Variants in ADAMTS19 observed in about 807,000 individuals in gnomAD.
ADAMTS19 encodes ADAM metallopeptidase with thrombospondin type 1 motif 19.
A neutral mutation model predicts 153.3 loss-of-function variants in ADAMTS19; 93 were observed. That is an observed-to-expected ratio of 0.61 (90% confidence interval 0.51 to 0.72). ADAMTS19 has a LOEUF of 0.72. ADAMTS19 is among the 30% of genes least tolerant of loss of function. The pLI, the probability that ADAMTS19 is intolerant of heterozygous loss-of-function variation, is 0.00. For synonymous variants in ADAMTS19, 600 were observed against 556.6 expected (o/e 1.08, Z -1.10); for missense variants, 1,482 against 1,552.1 (o/e 0.95, Z 0.76).
intron 11 of ADAMTS19, among the ~76,000 whole-genome samples, chr5:129,646,090 GTT>G (rs1753055305): frequency 6.7e-6 from 1 of 150,062 alleles, no homozygotes; most frequent in African/African-American, 2.5e-5. Context: ...GGGTTTCACT[GTT>G]TTAGCCGGGA....
At chr5:129,653,554 G>A (rs548472822) in intron 13 of ADAMTS19, among the ~76,000 whole-genome samples, 73 of 152,258 alleles carry the variant, frequency 4.8e-4, no homozygotes, top group Admixed American at 1.7e-3. Flanking sequence ...CCTAGATATC[G>A]TACACAACGA....
chr5:129,552,100 T>C (rs1375422643), intron 7 of ADAMTS19, among the ~76,000 whole-genome samples, 193 bp downstream of exon 7: 1 of 151,948 alleles, frequency 6.6e-6, no homozygotes, highest in Non-Finnish European at 1.5e-5. Context: ...CTATATATAT[T>C]GGAGACAATC....
chr5:129,679,807 G>T lies in ADAMTS19; in HGVS notation c.2550G>T (p.Lys850Asn). 1 of 1,613,812 alleles carries T rather than the reference G, an allele frequency of 6.2e-7. No homozygotes were observed. Among genetic ancestry groups the T allele is most frequent in the Non-Finnish European group, 8.5e-7 (1 of 1,179,820 alleles). The part of the protein sequence containing the change: ...AGKQSINSDW[K>N]IEHSGAFNLA... ...AACAGTCTATTAATAGTGACTGGAAGATTGAACACTCTGGAGCCTTCAATT... is the reference window on the plus strand; with the variant it reads ...AACAGTCTATTAATAGTGACTGGAATATTGAACACTCTGGAGCCTTCAATT... Residue 850 changes from lysine (K) to asparagine (N), a missense_variant, in exon 17 of 23, where the codon AAG (lysine) becomes AAT (asparagine). Physicochemically the swap from Lys to Asn is moderately conservative, Grantham distance 94 (BLOSUM62 0). This residue lies in a region of ADAMTS19 where 616 missense variants were observed against 724.4 expected (regional missense o/e 0.85). Coordinates refer to ENST00000274487, the MANE Select transcript of ADAMTS19 (RefSeq NM_133638.6).
At chr5:129,705,006 C>T (rs1478292226) in intron 21 of ADAMTS19, among the ~76,000 whole-genome samples, 7 of 152,094 alleles carry the variant, frequency 4.6e-5, no homozygotes, top group African/African-American at 1.7e-4. Flanking sequence ...AAATGTCTGA[C>T]CTGTTCATTC....
intron 15 of ADAMTS19, among the ~76,000 whole-genome samples, chr5:129,661,909 T>A (rs66533614): frequency 0.059 from 8,922 of 152,280 alleles, 409 homozygotes; most frequent in African/African-American, 0.13. Flanking sequence ...AACTATTTTT[T>A]TCTATTTTAG....
rs1754961215 is a variant in ADAMTS19, at chr5:129,684,196, A to G, written c.2741A>G (p.Gln914Arg). The change falls in exon 18 of 23, where the codon CAG becomes CGG. Residue 914 changes from glutamine to arginine, a missense_variant. Gln to Arg is a conservative substitution (Grantham distance 43). Coordinates refer to ENST00000274487, the MANE Select transcript of ADAMTS19 (RefSeq NM_133638.6). ...TIPSDPLPEN[Q>R]SSKAPEPLFM... ...CCATCAGACCCTCTTCCAGAAAACCAGAGCTCTAAAGCACCTGAGCCCCTC... is the reference window on the plus strand; with the variant it reads ...CCATCAGACCCTCTTCCAGAAAACCGGAGCTCTAAAGCACCTGAGCCCCTC... 1 of 1,614,220 alleles carries G rather than the reference A, an allele frequency of 6.2e-7. No individual in the cohort carries two copies. Among genetic ancestry groups the G allele is most frequent in the South Asian group, 1.1e-5 (1 of 91,082 alleles).
At chr5:129,650,931 G>C (rs960866192) in intron 13 of ADAMTS19, among the ~76,000 whole-genome samples, 2 of 152,054 alleles carry the variant, frequency 1.3e-5, no homozygotes, top group African/African-American at 4.8e-5. Context: ...TCATCCAGGA[G>C]TCTCATGGAA....
At chr5:129,692,701 C>T (rs1311824126) in intron 18 of ADAMTS19, among the ~76,000 whole-genome samples, 3 of 152,190 alleles carry the variant, frequency 2.0e-5, no homozygotes, top group Non-Finnish European at 2.9e-5. Flanking sequence ...TGCTGTGGGG[C>T]CACCTCTATG....
At chr5:129,495,335 G>A (rs1031500173) in intron 2 of ADAMTS19, among the ~76,000 whole-genome samples, 10 of 151,918 alleles carry the variant, frequency 6.6e-5, no homozygotes, top group African/African-American at 2.4e-4. Flanking sequence ...TAGAATCAAA[G>A]GAAATTGAAT....
In ADAMTS19 at chr5:129,461,181, T is replaced by C. The variant is rs1749639496; in HGVS notation, c.171T>C (p.Ala57=). The change falls in exon 2 of 23, where the codon GCT becomes GCC. Residue 57 remains alanine (A), a synonymous_variant. Coordinates refer to ENST00000274487, the MANE Select transcript of ADAMTS19 (RefSeq NM_133638.6). The surrounding 1 kb of genome is among the most constrained non-coding windows in gnomAD (Gnocchi z 4.6). ...ALWRREPVDP[A]GGSGGSADPG... is the part of the protein sequence containing the mutation. ...GGCGCCGGGAGCCGGTGGACCCGGCTGGCGGCAGCGGGGGCAGCGCGGACC... is the reference window on the plus strand; with the variant it reads ...GGCGCCGGGAGCCGGTGGACCCGGCCGGCGGCAGCGGGGGCAGCGCGGACC... 1 of 1,368,042 alleles carries C rather than the reference T, an allele frequency of 7.3e-7. No individual in the cohort carries two copies. Among genetic ancestry groups the C allele is most frequent in the Non-Finnish European group, 9.4e-7 (1 of 1,058,302 alleles). 84.7% of individuals were successfully genotyped at this position (1,368,042 alleles called of 1,614,324 possible).
chr5:129,517,926 T>G (rs1237858754), intron 3 of ADAMTS19, among the ~76,000 whole-genome samples: 1 of 152,050 alleles, frequency 6.6e-6, no homozygotes, highest in East Asian at 1.9e-4. Flanking sequence ...TATGATTTAG[T>G]TTCTTGCTTT....
intron 6 of ADAMTS19, among the ~76,000 whole-genome samples, chr5:129,531,514 A>G (rs1164751253): frequency 1.3e-5 from 2 of 152,072 alleles, no homozygotes; most frequent in Non-Finnish European, 2.9e-5. Flanking sequence ...AGTCCCAGCT[A>G]CCTGGGAGGC....
intron 8 of ADAMTS19, among the ~76,000 whole-genome samples, chr5:129,599,407 CT>C (rs1750535700): frequency 6.6e-6 from 1 of 151,990 alleles, no homozygotes; most frequent in African/African-American, 2.4e-5. Flanking sequence ...GATTTTTGCT[CT>C]TGAGCTATGC....
At chr5:129,590,094 A>G (rs138524734) in intron 7 of ADAMTS19, among the ~76,000 whole-genome samples, 138 of 152,244 alleles carry the variant, frequency 9.1e-4, no homozygotes, top group African/African-American at 3.2e-3. Flanking sequence ...GGTAGTTAAC[A>G]ACAGCATTTT....
At chr5:129,554,760 A>C (rs9327527) in intron 7 of ADAMTS19, among the ~76,000 whole-genome samples, 134,581 of 152,092 alleles carry the variant, frequency 0.88, 59,828 homozygotes, top group African/African-American at 0.95. Context: ...GCATAAAAAT[A>C]TTCCCTGATG....
Position 129,648,782 on chromosome 5 carries a change from G to T in ADAMTS19, c.2004-16G>T. Reference sequence around the variant, plus strand: ...ATAAAAAACATAAAATTGATTATTTGTACTTTCTTTTCTAGGCTAGATTCT... The same window carrying T: ...ATAAAAAACATAAAATTGATTATTTTTACTTTCTTTTCTAGGCTAGATTCT... On this transcript the variant is annotated splice_polypyrimidine_tract_variant and intron_variant, in intron 12 of 22. Coordinates refer to ENST00000274487, the MANE Select transcript of ADAMTS19 (RefSeq NM_133638.6). 1 of 1,608,158 alleles carries T rather than the reference G, an allele frequency of 6.2e-7. No individual in the cohort carries two copies. Among genetic ancestry groups the T allele is most frequent in the Non-Finnish European group, 8.5e-7 (1 of 1,177,586 alleles).
intron 2 of ADAMTS19, among the ~76,000 whole-genome samples, chr5:129,473,711 T>C (rs960064357): frequency 1.6e-4 from 24 of 152,190 alleles, no homozygotes; most frequent in African/African-American, 5.5e-4. Flanking sequence ...TGGTTCTATT[T>C]AGTAATATTT....
rs1474096002 is a variant in ADAMTS19, at chr5:129,684,270, G to C, written c.2815G>C (p.Gly939Arg). 2 of 1,613,576 alleles carry C rather than the reference G, an allele frequency of 1.2e-6. No individual in the cohort carries two copies. Among genetic ancestry groups the C allele is most frequent in the Non-Finnish European group, 1.7e-6 (2 of 1,179,802 alleles). ...GGAAGATTGCGATGCCACTTGTGGA[G>C]GAGGTGAAGGATTTTTAAACATTTA... is the stretch of plus-strand genomic sequence containing the variant. Reference protein sequence around the residue: ...SWEDCDATCGGGERKTTVSCT... With the variant: ...SWEDCDATCGRGERKTTVSCT... The change falls in exon 18 of 23, where the codon GGA becomes CGA. Residue 939 changes from glycine to arginine, a missense_variant. Transcript: ENST00000274487.
chr5:129,680,498 C>T (rs1754752409), intron 17 of ADAMTS19, among the ~76,000 whole-genome samples: 1 of 152,060 alleles, frequency 6.6e-6, no homozygotes, highest in African/African-American at 2.4e-5. Context: ...GTGGCTCACG[C>T]CTGTAATCCC....
Sources: allele counts gnomAD v4.1 joint callset (sites outside exome capture counted in the v4.1 genomes callset), GRCh38; gene constraint gnomAD v4.1.1; regional missense constraint gnomAD v4.1.1; non-coding constraint Gnocchi (gnomAD v3.1); transcripts MANE v1.5; gene names NCBI Gene and HGNC (gene_info 2026-07-23, HGNC 2026-07-21).